Variants in OSMR observed in about 807,000 individuals in gnomAD.
OSMR encodes the protein oncostatin M receptor, also known as oncostatin-M-specific receptor subunit beta.
Under a neutral mutation model 99.9 loss-of-function variants are expected in OSMR, and 81 were observed. The observed-to-expected ratio is 0.81, with a 90% CI of 0.68 to 0.97. The LOEUF (loss-of-function observed/expected upper bound fraction) is 0.97. Ranked by LOEUF, OSMR falls within the 50% of genes least tolerant of loss-of-function variation. The pLI, the probability that OSMR is intolerant of heterozygous loss-of-function variation, is 0.00. For missense variants in OSMR, 1,099 were observed against 1,153.4 expected, an observed-to-expected ratio of 0.95 and a Z score of 0.68; for synonymous variants, 406 against 410.4, an observed-to-expected ratio of 0.99 and a Z score of 0.13.
At chr5:38,926,279 GACT>G (rs1273150155) in intron 15 of OSMR, among the ~76,000 whole-genome samples, 1 of 152,180 alleles carries the variant, frequency 6.6e-6, no homozygotes, top group East Asian at 1.9e-4. Context: ...CATCCTGTTG[GACT>G]GCTGACCCTG....
rs755967607 is a variant in OSMR at position 38,919,035 on chromosome 5, A to T, written c.1558A>T (p.Ile520Leu). ...TGTGGGTGCTTCTCCTGCTTCTGTAATAGTCATCTCTGCAGACCCCGAAAA... is the reference window on the plus strand; with the variant it reads ...TGTGGGTGCTTCTCCTGCTTCTGTATTAGTCATCTCTGCAGACCCCGAAAA... Reference protein sequence around the residue: ...NSVGASPASVIVISADPENKE... With the variant: ...NSVGASPASVLVISADPENKE... Residue 520 changes from isoleucine (I) to leucine (L), a missense_variant, in exon 11 of 18, where the codon ATA (isoleucine) becomes TTA (leucine). Ile to Leu is a conservative substitution (Grantham distance 5, BLOSUM62 2). Coordinates refer to ENST00000274276, the MANE Select transcript of OSMR (RefSeq NM_003999.3). 1 of 1,614,032 alleles carries T rather than the reference A, an allele frequency of 6.2e-7. No homozygotes were observed. Among genetic ancestry groups the T allele is most frequent in the Non-Finnish European group, 8.5e-7 (1 of 1,179,898 alleles).
In OSMR at chr5:38,935,311, A is replaced by G. The variant is rs1032199580; in HGVS notation, c.*1867A>G. 3 of 19,732 alleles carry G rather than the reference A, an allele frequency of 1.5e-4. No homozygotes were observed. The highest frequency in any genetic ancestry group is 7.7e-4 in the African/African-American group (2 of 2,596). 1.2% of individuals were successfully genotyped at this position (19,732 alleles called of 1,614,324 possible). A position where few individuals can be genotyped will look rare whatever the true frequency, so the allele number is the denominator to read the frequency against. ...CACACCTCAAAATAATGTGGCTGTC[A>G]ACAACTGGCCTAAATAAACCTACAC... On this transcript the variant is annotated 3_prime_UTR_variant, in exon 18 of 18. Coordinates refer to ENST00000274276, the MANE Select transcript of OSMR (RefSeq NM_003999.3).
Position 38,904,428 on chromosome 5 carries a change from G to A in OSMR, c.1210G>A (p.Val404Ile), listed in dbSNP as rs1745100994. ...LEPATEYMAR[V>I]RCADASHFWK... ...ACCTGCCACAGAGTACATGGCGCGA[G>A]TACGGTGTGCTGATGCCAGCCACTT... is the stretch of plus-strand genomic sequence containing the variant. The change falls in exon 9 of 18, where the codon GTA becomes ATA. Residue 404 changes from valine to isoleucine, a missense_variant. Val to Ile is a conservative substitution (Grantham distance 29, BLOSUM62 3). Coordinates refer to ENST00000274276, the MANE Select transcript of OSMR (RefSeq NM_003999.3). The A allele has an allele frequency of 2.5e-6, 4 of 1,614,142 alleles. No homozygotes were observed. Among genetic ancestry groups the A allele is most frequent in the Non-Finnish European group, 3.4e-6 (4 of 1,180,040 alleles).
At chr5:38,863,382 CA>C (rs1375734124) in intron 1 of OSMR, among the ~76,000 whole-genome samples, 3 of 151,738 alleles carry the variant, frequency 2.0e-5, no homozygotes, top group Admixed American at 2.0e-4. Flanking sequence ...TACAAAAATA[CA>C]AAAATTAGCT....
At chr5:38,865,979 C>T (rs1000032944) in intron 1 of OSMR, among the ~76,000 whole-genome samples, 1 of 152,142 alleles carries the variant, frequency 6.6e-6, no homozygotes, top group Non-Finnish European at 1.5e-5. Context: ...GGCTCATGCT[C>T]AGGCTTCCAG....
chr5:38,872,480 A>C (rs975342796), intron 2 of OSMR, among the ~76,000 whole-genome samples: 1 of 152,226 alleles, frequency 6.6e-6, no homozygotes, highest in Admixed American at 6.5e-5. Context: ...ACATAGAAAC[A>C]GGCTCTTACA....
chr5:38,858,589 T>G (rs1056986732), intron 1 of OSMR, among the ~76,000 whole-genome samples: 12 of 152,350 alleles, frequency 7.9e-5, no homozygotes, highest in African/African-American at 1.9e-4. Flanking sequence ...CAGGGATCCC[T>G]TTTATATACT....
intron 9 of OSMR, among the ~76,000 whole-genome samples, chr5:38,912,155 T>C (rs1333657824): frequency 1.3e-5 from 2 of 152,082 alleles, no homozygotes; most frequent in Admixed American, 1.3e-4. Flanking sequence ...GTGATATGAT[T>C]GTATACCTAG....
chr5:38,898,633 C>T (rs1048780626), intron 7 of OSMR, among the ~76,000 whole-genome samples: 2 of 152,074 alleles, frequency 1.3e-5, no homozygotes, highest in African/African-American at 4.8e-5. Context: ...TTACTCTGGC[C>T]ATTTAAAAAT....
intron 2 of OSMR, among the ~76,000 whole-genome samples, chr5:38,869,817 T>C (rs565568627): frequency 6.6e-6 from 1 of 152,332 alleles, no homozygotes; most frequent in African/African-American, 2.4e-5. Context: ...TATTGGTTCA[T>C]AATTTTTTGT....
At chr5:38,861,981 T>C (rs1312956931) in intron 1 of OSMR, among the ~76,000 whole-genome samples, 52 of 80,710 alleles carry the variant, frequency 6.4e-4, no homozygotes, top group Middle Eastern at 9.3e-3. Flanking sequence ...ACTGACCCCC[T>C]CACCTCCCTC....
intron 1 of OSMR, among the ~76,000 whole-genome samples, chr5:38,862,861 C>T (rs1298428735): frequency 6.6e-6 from 1 of 152,078 alleles, no homozygotes; most frequent in African/African-American, 2.4e-5. Context: ...CACTGCACTC[C>T]AGCCTGGGCA....
At chr5:38,884,602 G>A (rs542516272) in intron 5 of OSMR, among the ~76,000 whole-genome samples, 1 of 152,290 alleles carries the variant, frequency 6.6e-6, no homozygotes, top group Non-Finnish European at 1.5e-5. Flanking sequence ...GTGATTGTGA[G>A]GATTAATGAA....
intron 15 of OSMR, among the ~76,000 whole-genome samples, chr5:38,926,784 T>TC (rs1746493953): frequency 6.6e-6 from 1 of 151,998 alleles, no homozygotes; most frequent in Non-Finnish European, 1.5e-5. Flanking sequence ...TTTCCAACAG[T>TC]CCCCCAAGGT....
At chr5:38,858,934 T>G (rs1741069610) in intron 1 of OSMR, among the ~76,000 whole-genome samples, 1 of 152,220 alleles carries the variant, frequency 6.6e-6, no homozygotes, top group Non-Finnish European at 1.5e-5. Context: ...TTGGAACATA[T>G]GTCCACTTTT....
At chr5:38,860,177 C>T (rs1741172002) in intron 1 of OSMR, among the ~76,000 whole-genome samples, 2 of 152,112 alleles carry the variant, frequency 1.3e-5, no homozygotes, top group Admixed American at 6.5e-5. Flanking sequence ...TGCTTTTCAC[C>T]ATTCAGTATG....
At position 38,862,524 on chromosome 5, in the gene OSMR, G is replaced by A. The variant is rs1741518952; in HGVS notation, c.-13-6508G>A. Among the ~76,000 whole-genome samples, 3 of 151,342 alleles carry A rather than the reference G, an allele frequency of 2.0e-5. No individual in the cohort carries two copies. The South Asian group carries it at 6.3e-4, about 32-fold the overall frequency. On this transcript the variant is annotated intron_variant, in intron 1 of 17. Coordinates refer to ENST00000274276, the MANE Select transcript of OSMR (RefSeq NM_003999.3). ...CGGAGGGGCTCCTCACTTCTCAGAC[G>A]GGGCAGTTGCCGGGCAGAGGGTCTC...
At chr5:38,938,242 A>T (rs1747181629), downstream of OSMR, 1 of 226,344 alleles carries the variant, frequency 4.4e-6, no homozygotes, top group Non-Finnish European at 8.8e-6. Flanking sequence ...ATTACTAAAT[A>T]AAAAAGAAGA....
intron 7 of OSMR, among the ~76,000 whole-genome samples, chr5:38,890,981 T>C (rs1475456805): frequency 2.0e-5 from 3 of 152,194 alleles, no homozygotes; most frequent in Admixed American, 2.0e-4. Context: ...CCAGACCAAA[T>C]GAATCCTATA....
Sources: gnomAD v4.1 joint callset for allele counts (sites outside exome capture counted in the v4.1 genomes callset) on GRCh38, gnomAD v4.1.1 for gene constraint, MANE v1.5 for transcripts, NCBI Gene and HGNC (gene_info 2026-07-23, HGNC 2026-07-21) for gene names.